The following TMEM37 variants were observed in gnomAD, a reference collection of about 807,000 sequenced individuals.
TMEM37 encodes transmembrane protein 37.
Under a neutral mutation model 11.0 loss-of-function variants are expected in TMEM37, and 12 were observed. The observed-to-expected ratio is 1.09, with a 90% CI of 0.70 to 1.76. The LOEUF is 1.76. TMEM37 is among the 40% of genes most tolerant of loss of function. The pLI is 0.00. For synonymous variants in TMEM37, 127 were observed against 110.5 expected, an observed-to-expected ratio of 1.15 and a Z score of -0.94; for missense variants, 203 against 251.2, an observed-to-expected ratio of 0.81 and a Z score of 1.30.
rs555879458 is a variant in TMEM37, at chr2:119,437,287, C to T, written c.420C>T (p.Gly140=). 2.8e-5 allele frequency: 45 copies of T among 1,614,242 alleles called. No homozygotes were observed. Among genetic ancestry groups the T allele is most frequent in the South Asian group, 2.4e-4 (22 of 91,078 alleles). Residue 140 remains glycine, a synonymous_variant, in exon 2 of 2, where the codon GGC becomes GGT. Coordinates refer to ENST00000306406, the MANE Select transcript of TMEM37 (RefSeq NM_183240.3). The stretch of plus-strand genomic sequence containing the variant: ...TGGTGTCTTTCGTCCTCTCCTCCGG[C>T]GGGCTCCTGGGTTTTGTGATCCTCC... The part of the protein sequence containing the change: ...LLLVSFVLSS[G]GLLGFVILLR...
intron 1 of TMEM37, among the ~76,000 whole-genome samples, chr2:119,434,531 G>C (rs1377675013): frequency 1.3e-5 from 2 of 151,684 alleles, no homozygotes; most frequent in East Asian, 3.9e-4. Flanking sequence ...ACAGGGCTCA[G>C]TTGAAGTGAG....
upstream of TMEM37, chr2:119,431,788 G>A: frequency 3.4e-6 from 2 of 592,188 alleles, no homozygotes; most frequent in Non-Finnish European, 2.4e-6. Context: ...GCCCCCTCCC[G>A]CCCCGCCCGC....
intron 1 of TMEM37, chr2:119,432,144 A>G (rs4344946): frequency 0.88 from 326,672 of 373,098 alleles, 143,325 homozygotes; most frequent in African/African-American, 0.96. Flanking sequence ...GCTGCTCCCG[A>G]GGCGCGGACT....
upstream of TMEM37, chr2:119,429,941 C>T (rs1294576912): frequency 1.3e-6 from 2 of 1,550,570 alleles, no homozygotes; most frequent in Non-Finnish European, 1.7e-6. Context: ...CCCGACCTGA[C>T]TGTTCTTCTG....
At chr2:119,432,031 G>T in intron 1 of TMEM37, 107 bp downstream of exon 1, 1 of 796,210 alleles carries the variant, frequency 1.3e-6, no homozygotes. Flanking sequence ...GCCGGCGTCG[G>T]GCTGGGGGTG....
intron 1 of TMEM37, among the ~76,000 whole-genome samples, chr2:119,435,983 C>T (rs1442637549): frequency 6.6e-6 from 1 of 152,072 alleles, no homozygotes; most frequent in African/African-American, 2.4e-5. Flanking sequence ...GTGCTGGGAG[C>T]TGAGGTTGGG....
Position 119,431,854 on chromosome 2 carries a change from A to T in TMEM37, c.-50A>T. ...GTCCCGGGCTGGCGCCGGCGGCCAC[A>T]GCGGAGCAGCTGGAGCGATCGAGGC... On this transcript the variant is annotated 5_prime_UTR_variant, in exon 1 of 2. Transcript: ENST00000306406. 3 of 1,232,916 alleles carry T rather than the reference A, an allele frequency of 2.4e-6. No individual in the cohort carries two copies. The highest frequency in any genetic ancestry group is 2.0e-6 in the Non-Finnish European group (2 of 989,040). The allele number at this position is 1,232,916 out of a possible 1,614,324, so 76.4% of individuals were successfully genotyped here. A position where few individuals can be genotyped will look rare whatever the true frequency, so the allele number is the denominator to read the frequency against.
chr2:119,437,699 G>A lies in TMEM37; in HGVS notation c.*259G>A. 2 of 508,996 alleles carry A rather than the reference G, an allele frequency of 3.9e-6. No homozygotes were observed. Among genetic ancestry groups the A allele is most frequent in the South Asian group, 3.2e-5 (1 of 31,478 alleles). 31.5% of individuals were successfully genotyped at this position (508,996 alleles called of 1,614,324 possible). ...GGCTTAGCCAGATGTTGATTTTAGA[G>A]GAAGAAAAAAACATTTTAAAACTCC... On this transcript the variant is annotated 3_prime_UTR_variant, in exon 2 of 2. Coordinates refer to ENST00000306406, the MANE Select transcript of TMEM37 (RefSeq NM_183240.3).
chr2:119,431,802 CAGCAG>C, upstream of TMEM37: 1 of 1,020,754 alleles, frequency 9.8e-7, no homozygotes, highest in Non-Finnish European at 1.2e-6. Context: ...CGCCCGCCTC[CAGCAG>C]CCGCCCCGCC....
chr2:119,435,067 C>T (rs1437078147), intron 1 of TMEM37, among the ~76,000 whole-genome samples: 2 of 152,230 alleles, frequency 1.3e-5, no homozygotes, highest in East Asian at 3.8e-4. Context: ...AGTCACCTGC[C>T]CTCTGCATAG....
chr2:119,431,686 T>C (rs1041876484), upstream of TMEM37, among the ~76,000 whole-genome samples: 4 of 152,104 alleles, frequency 2.6e-5, no homozygotes, highest in African/African-American at 4.8e-5. Context: ...CAGGGGCTCC[T>C]CCGGCCGCCC....
At chr2:119,430,803 C>T (rs1682377395), upstream of TMEM37, among the ~76,000 whole-genome samples, 1 of 152,160 alleles carries the variant, frequency 6.6e-6, no homozygotes, top group Admixed American at 6.5e-5. Flanking sequence ...CCACCTCCAC[C>T]CTTTTTGGCG....
rs1020280621 is a variant in TMEM37 at position 119,436,606 on chromosome 2, A to C, written c.22-283A>C. Among the ~76,000 whole-genome samples, 5 of 152,152 alleles carry C rather than the reference A, an allele frequency of 3.3e-5. No homozygotes were observed. The South Asian group carries it at 1.0e-3, about 32-fold the overall frequency. ...AACTCAGAACTGACTCAGATTTGCCAGTCGGTTTGGACTTCTCACCCACTC... is the reference window on the plus strand; with the variant it reads ...AACTCAGAACTGACTCAGATTTGCCCGTCGGTTTGGACTTCTCACCCACTC... On this transcript the variant is annotated intron_variant, in intron 1 of 1. Coordinates refer to ENST00000306406, the MANE Select transcript of TMEM37 (RefSeq NM_183240.3).
chr2:119,430,138 C>G, upstream of TMEM37: 1 of 689,160 alleles, frequency 1.5e-6, no homozygotes, highest in South Asian at 1.9e-5. Flanking sequence ...CTTCTGGGAC[C>G]CTTGACTGGG....
chr2:119,430,830 G>A (rs1000441352), upstream of TMEM37, among the ~76,000 whole-genome samples: 1 of 152,146 alleles, frequency 6.6e-6, no homozygotes, highest in Non-Finnish European at 1.5e-5. Flanking sequence ...GCTTTTAGGT[G>A]CTGCCTCTTT....
intron 1 of TMEM37, among the ~76,000 whole-genome samples, chr2:119,434,749 G>A (rs755637760): frequency 5.9e-5 from 9 of 152,130 alleles, no homozygotes; most frequent in South Asian, 4.1e-4. Context: ...CCCTCTGCAC[G>A]CACCTTTTCC....
chr2:119,437,497 A>G lies in TMEM37; in HGVS notation c.*57A>G, dbSNP rs2104741191. On this transcript the variant is annotated 3_prime_UTR_variant, in exon 2 of 2. Transcript: ENST00000306406. ...TCAGATTCCACAAGAAAATATGGTC[A>G]AAATGGGACTTTTCCAGCATGTGGC... The G allele has an allele frequency of 6.4e-7, 1 of 1,554,952 alleles. No homozygotes were observed. The highest frequency in any genetic ancestry group is 8.7e-7 in the Non-Finnish European group (1 of 1,151,962).
rs546541448 is a variant in TMEM37 at position 119,433,672 on chromosome 2, A to G, written c.21+1748A>G. Among the ~76,000 whole-genome samples the G allele has an allele frequency of 6.7e-4, 102 of 152,188 alleles. 1 individual carries two copies. The highest frequency in any genetic ancestry group is 1.1e-3 in the Non-Finnish European group (74 of 68,000). ...GCAAGGTTACAGATGAAAAAGGAAA[A>G]TGCTTACATTTTTAGCAGAGCAGTT... On this transcript the variant is annotated intron_variant, in intron 1 of 1. Coordinates refer to ENST00000306406, the MANE Select transcript of TMEM37 (RefSeq NM_183240.3).
chr2:119,437,076 C>CT lies in TMEM37; in HGVS notation c.209_210insT (p.Ile71AspfsTer205), dbSNP rs754024120. 31 of 606,482 alleles carry CT rather than the reference C, an allele frequency of 5.1e-5. No homozygotes were observed. The highest frequency in any genetic ancestry group is 1.1e-4 in the Admixed American group (2 of 18,500). 37.6% of individuals were successfully genotyped at this position (606,482 alleles called of 1,614,324 possible). A position where few individuals can be genotyped will look rare whatever the true frequency, so the allele number is the denominator to read the frequency against. On this transcript the variant is annotated frameshift_variant, in exon 2 of 2. Transcript: ENST00000306406. LOFTEE classifies it high-confidence loss of function. ...CACTTCTGCACCACCACCAACCAGA[C>CT]GATCTGCTTCAGAGACCTGGGCCAG...
Sources: allele counts gnomAD v4.1 joint callset (sites outside exome capture counted in the v4.1 genomes callset), GRCh38; gene constraint gnomAD v4.1.1; transcripts MANE v1.5; gene names NCBI Gene and HGNC (gene_info 2026-07-23, HGNC 2026-07-21).